The following SAMD4A variants were observed in gnomAD, a reference collection of about 807,000 sequenced individuals.
SAMD4A encodes the protein protein Smaug homolog 1.
SAMD4A carries 33 observed loss-of-function variants against 81.3 expected under a neutral mutation model. That is an observed-to-expected ratio of 0.41 (90% confidence interval 0.31 to 0.54). SAMD4A has a LOEUF of 0.54. Ranked by LOEUF, SAMD4A falls within the 20% of genes least tolerant of loss-of-function variation. The probability of loss-of-function intolerance (pLI) is 0.37; values close to 1 mark genes in which losing one functional copy is unlikely to be tolerated. For synonymous variants in SAMD4A, 389 were observed against 382.1 expected, an observed-to-expected ratio of 1.02 and a Z score of -0.21; for missense variants, 854 against 951.1, an observed-to-expected ratio of 0.90 and a Z score of 1.34.
At chr14:54,587,142 T>C (rs560030985) in intron 2 of SAMD4A, among the ~76,000 whole-genome samples, 23 of 152,110 alleles carry the variant, frequency 1.5e-4, no homozygotes, top group Non-Finnish European at 2.9e-4. Flanking sequence ...GGATCTTTCA[T>C]GTCCTTGGTT....
intron 8 of SAMD4A, among the ~76,000 whole-genome samples, chr14:54,769,088 C>G (rs970989897): frequency 6.6e-6 from 1 of 152,212 alleles, no homozygotes; most frequent in African/African-American, 2.4e-5. Flanking sequence ...CATGGATTTC[C>G]CACAGCACGT....
chr14:54,683,877 A>G (rs549882718), intron 2 of SAMD4A, among the ~76,000 whole-genome samples: 12 of 152,330 alleles, frequency 7.9e-5, no homozygotes, highest in Admixed American at 7.2e-4. Context: ...CCAGAAGCCA[A>G]AAGACTCACA....
At chr14:54,739,834 C>T (rs1018259401) in intron 4 of SAMD4A, among the ~76,000 whole-genome samples, 2 of 152,198 alleles carry the variant, frequency 1.3e-5, no homozygotes, top group Non-Finnish European at 2.9e-5. Flanking sequence ...TGTCTAAGAG[C>T]AGGTGCTGGT....
chr14:54,651,115 G>A (rs748994894), intron 2 of SAMD4A, among the ~76,000 whole-genome samples: 28 of 152,198 alleles, frequency 1.8e-4, no homozygotes, highest in Non-Finnish European at 3.2e-4. Flanking sequence ...AAATAAGCAC[G>A]GTCTGAAAGT....
At chr14:54,770,681 C>T (rs1245485840) in intron 9 of SAMD4A, among the ~76,000 whole-genome samples, 1 of 152,180 alleles carries the variant, frequency 6.6e-6, no homozygotes, top group African/African-American at 2.4e-5. Flanking sequence ...CAGTGCTAGT[C>T]TATTTTGGTC....
chr14:54,773,960 G>A (rs1200892261), intron 9 of SAMD4A, among the ~76,000 whole-genome samples: 1 of 152,236 alleles, frequency 6.6e-6, no homozygotes, highest in Non-Finnish European at 1.5e-5. Context: ...ACACAGACAG[G>A]CTGAGCAGAA....
chr14:54,754,986 T>A (rs945339345), intron 6 of SAMD4A: 44 of 318,004 alleles, frequency 1.4e-4, no homozygotes, highest in Non-Finnish European at 3.2e-5. Context: ...CAACCCAGTC[T>A]GATCGATGTC....
chr14:54,569,126 G>C (rs1009021275), intron 2 of SAMD4A, among the ~76,000 whole-genome samples: 1 of 152,090 alleles, frequency 6.6e-6, no homozygotes, highest in East Asian at 1.9e-4. Flanking sequence ...TTTATGCAGA[G>C]AAAAGAATGC....
At chr14:54,698,763 C>T (rs1246654625) in intron 2 of SAMD4A, among the ~76,000 whole-genome samples, 1 of 152,234 alleles carries the variant, frequency 6.6e-6, no homozygotes, top group African/African-American at 2.4e-5. Context: ...AAGCCCTGTC[C>T]TGAGGATAAA....
intron 2 of SAMD4A, among the ~76,000 whole-genome samples, chr14:54,664,810 A>AACACACACACAC (rs140875623): frequency 4.0e-4 from 56 of 141,762 alleles, no homozygotes; most frequent in African/African-American, 1.3e-3. Context: ...ATGTGAATCC[A>AACACACACACAC]ACACACACAC....
intron 2 of SAMD4A, 125 bp from the exon 3 acceptor site, chr14:54,701,937 T>C: frequency 9.2e-7 from 1 of 1,088,436 alleles, no homozygotes; most frequent in South Asian, 1.7e-5. Context: ...TCACAGGCTC[T>C]TTTGAGAAAA....
intron 2 of SAMD4A, among the ~76,000 whole-genome samples, chr14:54,614,818 G>A (rs1240844844): frequency 1.3e-5 from 2 of 152,102 alleles, no homozygotes; most frequent in Non-Finnish European, 2.9e-5. Flanking sequence ...GTTTTCTCCC[G>A]ATTTAGAGAG....
intron 2 of SAMD4A, chr14:54,694,927 G>A: frequency 1.0e-6 from 1 of 985,404 alleles, no homozygotes; most frequent in Non-Finnish European, 1.2e-6. Context: ...CTCTGGAAAG[G>A]TAAAGGGCTC....
At chr14:54,586,679 G>A (rs766889634) in intron 2 of SAMD4A, among the ~76,000 whole-genome samples, 3 of 152,048 alleles carry the variant, frequency 2.0e-5, no homozygotes, top group Non-Finnish European at 4.4e-5. Context: ...TTGTTGAATA[G>A]GGTGTCCTTT....
intron 2 of SAMD4A, among the ~76,000 whole-genome samples, chr14:54,631,692 T>C (rs947477837): frequency 1.3e-5 from 2 of 152,232 alleles, no homozygotes; most frequent in Admixed American, 1.3e-4. Flanking sequence ...CATGTCCATG[T>C]AGCTTCTCTA....
intron 2 of SAMD4A, among the ~76,000 whole-genome samples, chr14:54,629,338 G>C (rs1478542010): frequency 6.6e-6 from 1 of 152,172 alleles, no homozygotes; most frequent in Non-Finnish European, 1.5e-5. Flanking sequence ...TCAGAACTGT[G>C]AGAATAAATT....
At position 54,760,379 on chromosome 14, in the gene SAMD4A, C is replaced by A. The variant is rs750229457; in HGVS notation, c.1395C>A (p.Ala465=). The A allele has an allele frequency of 3.9e-6, 6 of 1,521,078 alleles. No individual in the cohort carries two copies. The African/African-American group carries it at 5.7e-5, about 14-fold the overall frequency. The allele number at this position is 1,521,078 out of a possible 1,614,324, so 94.2% of individuals were successfully genotyped here. ...AATGATATPS[A]GASGGLQPHQ... ...CTGGCGCCACGGCCACCCCCTCGGC[C>A]GGGGCCAGCGGGGGGCTCCAGCCGC... The change falls in exon 7 of 13, where the codon GCC becomes GCA. Residue 465 remains alanine, a synonymous_variant. Transcript: ENST00000554335.
chr14:54,607,551 G>A (rs1015645742), intron 2 of SAMD4A, among the ~76,000 whole-genome samples: 2 of 151,704 alleles, frequency 1.3e-5, no homozygotes, highest in Non-Finnish European at 2.9e-5. Flanking sequence ...CGCCTCCTGG[G>A]TTCATGCCAT....
intron 3 of SAMD4A, chr14:54,702,841 T>G (rs2036754890): frequency 2.3e-6 from 1 of 429,988 alleles, no homozygotes; most frequent in African/African-American, 1.9e-5. Context: ...AGACAATAAA[T>G]GAAAGAAGGA....
Sources: gnomAD v4.1 joint callset for allele counts (sites outside exome capture counted in the v4.1 genomes callset) on GRCh38, gnomAD v4.1.1 for gene constraint, MANE v1.5 for transcripts, NCBI Gene and HGNC (gene_info 2026-07-23, HGNC 2026-07-21) for gene names.